Variants in RAVER1 observed in about 807,000 individuals in gnomAD.
The protein encoded by RAVER1 is ribonucleoprotein, PTB binding 1, also known as ribonucleoprotein PTB-binding 1.
RAVER1 carries 36 observed loss-of-function variants against 68.4 expected under a neutral mutation model. The ratio of observed to expected loss-of-function variants is 0.53; its 90% confidence interval spans 0.40 to 0.70. RAVER1 has a LOEUF of 0.70. RAVER1 is among the 30% of genes least tolerant of loss of function. The pLI, the probability that RAVER1 is intolerant of heterozygous loss-of-function variation, is 0.00. For synonymous variants in RAVER1, 469 were observed against 472.7 expected, an observed-to-expected ratio of 0.99 and a Z score of 0.10; for missense variants, 933 against 1,019.8, an observed-to-expected ratio of 0.91 and a Z score of 1.16.
intron 9 of RAVER1, 42 bp downstream of exon 9, chr19:10,320,613 G>A: frequency 6.7e-7 from 1 of 1,501,198 alleles, no homozygotes. Flanking sequence ...TTTGGAGAAT[G>A]ATTTGGCCTT....
In RAVER1 at chr19:10,329,363, C is replaced by G. The variant is rs567869836; in HGVS notation, c.287-252G>C. Among the ~76,000 whole-genome samples, 72 of 152,364 alleles carry G rather than the reference C, an allele frequency of 4.7e-4. No individual in the cohort carries two copies. Among genetic ancestry groups the G allele is most frequent in the African/African-American group, 1.7e-3 (69 of 41,584 alleles). ...ACAGCAGCGCTCACCAACTGTGGGC[C>G]TGGCTCTGTCCTAAGAACGCTGTGG... On this transcript the variant is annotated intron_variant, in intron 2 of 12. Transcript: ENST00000617231. This position sits in a 1 kb window ranked among gnomAD's most constrained non-coding sequence, Gnocchi z 4.6.
In RAVER1 at chr19:10,317,094, G is replaced by C. The variant is rs1599296424; in HGVS notation, c.*360C>G. 3.2e-6 allele frequency: 1 copy of C among 311,358 alleles called. No homozygotes were observed. Among genetic ancestry groups the C allele is most frequent in the Non-Finnish European group, 6.0e-6 (1 of 166,646 alleles). The allele number at this position is 311,358 out of a possible 1,614,324, so 19.3% of individuals were successfully genotyped here. A position where few individuals can be genotyped will look rare whatever the true frequency, so the allele number is the denominator to read the frequency against. On this transcript the variant is annotated 3_prime_UTR_variant, in exon 13 of 13. Transcript: ENST00000617231. This position sits in a 1 kb window ranked among gnomAD's most constrained non-coding sequence, Gnocchi z 4.3. ...GTCTCTGTATCTTCACGGGAGGTCA[G>C]GGAAACCTCCAAGGCACTCGAAAGG...
chr19:10,327,235 A>T (rs2040482031), intron 3 of RAVER1, among the ~76,000 whole-genome samples: 1 of 151,922 alleles, frequency 6.6e-6, no homozygotes, highest in Non-Finnish European at 1.5e-5. Flanking sequence ...AAGCCCACAG[A>T]GCTGGGGGTC....
chr19:10,331,379 A>AAAAAC, intron 1 of RAVER1, among the ~76,000 whole-genome samples: 1 of 129,896 alleles, frequency 7.7e-6, no homozygotes, highest in Non-Finnish European at 1.6e-5. Flanking sequence ...AAAAAAAAAA[A>AAAAAC]AAAATAACAA....
At chr19:10,326,260 A>T (rs1330513489) in intron 3 of RAVER1, among the ~76,000 whole-genome samples, 2 of 152,324 alleles carry the variant, frequency 1.3e-5, no homozygotes, top group African/African-American at 2.4e-5. Context: ...GTCTTAAAAA[A>T]ATATAAAATA....
intron 1 of RAVER1, among the ~76,000 whole-genome samples, chr19:10,331,356 C>CAAAAAAAAAAAAAA (rs58419369): frequency 6.9e-5 from 2 of 29,172 alleles, no homozygotes; most frequent in African/African-American, 1.7e-4. Flanking sequence ...GACTCCGTCT[C>CAAAAAAAAAAAAAA]AAAAAAAAAA....
chr19:10,320,453 A>G (rs1323136098), intron 9 of RAVER1, among the ~76,000 whole-genome samples: 1 of 148,642 alleles, frequency 6.7e-6, no homozygotes, highest in Admixed American at 6.8e-5. Flanking sequence ...GCAGTGAGCT[A>G]TGATCGCACC....
rs1457472510 is a variant in RAVER1, at chr19:10,317,483, A to G, written c.2191T>C (p.Ser731Pro). The G allele has an allele frequency of 6.2e-7, 1 of 1,613,850 alleles. No homozygotes were observed. The highest frequency in any genetic ancestry group is 1.7e-5 in the Admixed American group (1 of 60,024). ...SQGLGGHYAD[S>P]YLKRKRIF ...AAAATCCTCTTCCGCTTCAGGTAGG[A>G]GTCCGCGTAGTGGCCGCCGAGGCCC... The change falls in exon 13 of 13, where the codon TCC becomes CCC. Residue 731 changes from serine to proline, a missense_variant. By Grantham distance (74) the Ser-to-Pro change is moderately conservative. Coordinates refer to ENST00000617231, the MANE Select transcript of RAVER1 (RefSeq NM_133452.3). The surrounding 1 kb of genome is among the most constrained non-coding windows in gnomAD (Gnocchi z 4.3).
Position 10,323,352 on chromosome 19 carries a change from C to G in RAVER1, c.948+23G>C, listed in dbSNP as rs1447476239. 1 of 1,606,580 alleles carries G rather than the reference C, an allele frequency of 6.2e-7. No individual in the cohort carries two copies. The highest frequency in any genetic ancestry group is 1.1e-5 in the South Asian group (1 of 90,418). On this transcript the variant is annotated intron_variant, in intron 4 of 12. Transcript: ENST00000617231. The surrounding 1 kb of genome is among the most constrained non-coding windows in gnomAD (Gnocchi z 6.2). ...CATGGGGCTCCCATCCCCACCCCGC[C>G]ACCTCTGCCCGCACAGGCTCACCGT...
rs1231529562 is a variant in RAVER1 at position 10,329,492 on chromosome 19, T to C, written c.287-381A>G. Among the ~76,000 whole-genome samples, 1 of 152,086 alleles carries C rather than the reference T, an allele frequency of 6.6e-6. No individual in the cohort carries two copies. Among genetic ancestry groups the C allele is most frequent in the African/African-American group, 2.4e-5 (1 of 41,400 alleles). ...CTTTGGGGGTATCAGTTTCCTCATCTCTCAAATGGATATAACTTAATCATC... is the reference window on the plus strand; with the variant it reads ...CTTTGGGGGTATCAGTTTCCTCATCCCTCAAATGGATATAACTTAATCATC... On this transcript the variant is annotated intron_variant, in intron 2 of 12. Coordinates refer to ENST00000617231, the MANE Select transcript of RAVER1 (RefSeq NM_133452.3). This position sits in a 1 kb window ranked among gnomAD's most constrained non-coding sequence, Gnocchi z 4.6.
Position 10,316,478 on chromosome 19 carries a change from C to T in RAVER1, c.*976G>A, listed in dbSNP as rs1279081127. Reference sequence around the variant, plus strand: ...AGGAGGCCAGCTCCAGGGATCTGGCCGGGGGTGGGCAGGCAGAATTCAAGA... The same window carrying T: ...AGGAGGCCAGCTCCAGGGATCTGGCTGGGGGTGGGCAGGCAGAATTCAAGA... On this transcript the variant is annotated 3_prime_UTR_variant, in exon 13 of 13. Coordinates refer to ENST00000617231, the MANE Select transcript of RAVER1 (RefSeq NM_133452.3). The T allele has an allele frequency of 2.7e-5, 27 of 992,492 alleles. No homozygotes were observed. Among genetic ancestry groups the T allele is most frequent in the Non-Finnish European group, 3.2e-5 (27 of 834,444 alleles). 61.5% of individuals were successfully genotyped at this position (992,492 alleles called of 1,614,324 possible).
At position 10,322,510 on chromosome 19, in the gene RAVER1, G is replaced by T; in HGVS notation, c.1173+135C>A. The T allele has an allele frequency of 3.3e-6, 2 of 609,804 alleles. No homozygotes were observed. The highest frequency in any genetic ancestry group is 2.0e-5 in the African/African-American group (1 of 50,458). The allele number at this position is 609,804 out of a possible 1,614,324, so 37.8% of individuals were successfully genotyped here. ...GTGGGTGGGAAAGGCAGGGGTTTGG[G>T]GGAGTCGCCCTCACCCTGGTTCTGC... On this transcript the variant is annotated intron_variant, in intron 6 of 12. Coordinates refer to ENST00000617231, the MANE Select transcript of RAVER1 (RefSeq NM_133452.3). This position sits in a 1 kb window ranked among gnomAD's most constrained non-coding sequence, Gnocchi z 4.3.
chr19:10,332,104 C>T (rs1051068389), intron 1 of RAVER1, among the ~76,000 whole-genome samples: 2 of 152,182 alleles, frequency 1.3e-5, no homozygotes, highest in African/African-American at 4.8e-5. Context: ...AAGTGATCCT[C>T]CCACCTCAGC....
intron 9 of RAVER1, 70 bp from the exon 10 acceptor site, chr19:10,319,310 G>A: frequency 6.8e-7 from 1 of 1,479,964 alleles, no homozygotes; most frequent in Non-Finnish European, 9.4e-7. Context: ...GAACTCCATG[G>A]CAGAGCTGTC....
At chr19:10,332,379 T>A (rs1421063641) in intron 1 of RAVER1, among the ~76,000 whole-genome samples, 4 of 152,048 alleles carry the variant, frequency 2.6e-5, no homozygotes, top group African/African-American at 9.7e-5. Context: ...GACAATGTGT[T>A]CCCAGCTGAG....
In RAVER1 at chr19:10,333,461, T is replaced by C. The variant is rs550910522; in HGVS notation, c.47A>G (p.Lys16Arg). The change falls in exon 1 of 13, where the codon AAG (lysine) becomes AGG (arginine). Residue 16 changes from lysine to arginine, a missense_variant. Physicochemically the swap from Lys to Arg is conservative, Grantham distance 26. This residue lies in a region of RAVER1 where 211 missense variants were observed against 230.0 expected (regional missense o/e 0.92). Transcript: ENST00000617231. The surrounding 1 kb of genome is among the most constrained non-coding windows in gnomAD (Gnocchi z 4.2). The part of the protein sequence containing the change: ...SVTHRPPLSP[K>R]SGAEVEAGDA... ...GCCGGCTTCGACTTCGGCCCCAGAC[T>C]TAGGGCTCAGCGGGGGCCGGTGAGT... is the stretch of plus-strand genomic sequence containing the variant. The C allele has an allele frequency of 6.3e-5, 102 of 1,611,808 alleles. 1 individual carries two copies. The Admixed American group carries it at 9.0e-4, about 14-fold the overall frequency.
In RAVER1 at chr19:10,323,656, C is replaced by T. The variant is rs1016947531; in HGVS notation, c.757-90G>A. ...GACAACCGTAACCAGACTCAGCTGC[C>T]CCATAAGGGTGAACTCCACGCCAGG... On this transcript the variant is annotated intron_variant, in intron 3 of 12. Transcript: ENST00000617231. The surrounding 1 kb of genome is among the most constrained non-coding windows in gnomAD (Gnocchi z 6.2). 3.6e-6 allele frequency: 5 copies of T among 1,388,714 alleles called. No homozygotes were observed. The highest frequency in any genetic ancestry group is 4.8e-6 in the Non-Finnish European group (5 of 1,034,220). 86.0% of individuals were successfully genotyped at this position (1,388,714 alleles called of 1,614,324 possible).
chr19:10,322,914 A>C lies in RAVER1; in HGVS notation c.1079-175T>G, dbSNP rs1185847201. 2.0e-5 allele frequency among the ~76,000 whole-genome samples: 3 copies of C among 151,900 alleles called. No homozygotes were observed. The highest frequency in any genetic ancestry group is 4.4e-5 in the Non-Finnish European group (3 of 67,952). On this transcript the variant is annotated intron_variant, in intron 5 of 12. Transcript: ENST00000617231. The surrounding 1 kb of genome is among the most constrained non-coding windows in gnomAD (Gnocchi z 4.3). ...GAAGGGGCAGAGGCTACTCCAGTGA[A>C]GGTCAGCCCCCTCTTGTCAGCACCC...
At chr19:10,331,622 G>T (rs1247295873) in intron 1 of RAVER1, among the ~76,000 whole-genome samples, 4 of 130,698 alleles carry the variant, frequency 3.1e-5, no homozygotes, top group South Asian at 2.5e-4. Context: ...AGGGGTGAAG[G>T]TTGCAGTGAG....
Sources: gnomAD v4.1 joint callset for allele counts (sites outside exome capture counted in the v4.1 genomes callset) on GRCh38, gnomAD v4.1.1 for gene constraint, gnomAD v4.1.1 regional missense constraint, Gnocchi (gnomAD v3.1) non-coding constraint, MANE v1.5 for transcripts, NCBI Gene and HGNC (gene_info 2026-07-23, HGNC 2026-07-21) for gene names.